Variants in DENND5A observed in about 807,000 individuals in gnomAD.
DENND5A encodes DENN domain containing 5A.
In DENND5A, 64 loss-of-function variants were observed where a neutral mutation model predicts 140.3. The observed-to-expected ratio is 0.46, with a 90% confidence interval of 0.37 to 0.56. The LOEUF is 0.56. DENND5A is among the 20% of genes least tolerant of loss of function. The probability of loss-of-function intolerance (pLI) is 0.00; values close to 1 mark genes in which losing one functional copy is unlikely to be tolerated. For missense variants in DENND5A, 1,292 were observed against 1,593.8 expected (o/e 0.81, Z 3.22); for synonymous variants, 605 against 607.7 (o/e 1.00, Z 0.07).
At chr11:9,232,383 AATAAAGAAAAAAAG>A in intron 1 of DENND5A, among the ~76,000 whole-genome samples, 1 of 152,158 alleles carries the variant, frequency 6.6e-6, no homozygotes. Flanking sequence ...GCATTAAATC[AATAAAGAAAAAAAG>A]ATCACTCAAA....
rs1459464187 is a variant in DENND5A, at chr11:9,178,304, G to A, written c.1734C>T (p.Thr578=). 1.2e-6 allele frequency: 2 copies of A among 1,613,920 alleles called. No individual in the cohort carries two copies. Among genetic ancestry groups the A allele is most frequent in the South Asian group, 1.1e-5 (1 of 91,070 alleles). The change falls in exon 8 of 23, where the codon ACC becomes ACT. Residue 578 remains threonine (T), a synonymous_variant. Coordinates refer to ENST00000328194, the MANE Select transcript of DENND5A (RefSeq NM_015213.4). ...TGTCAATGAAAGATGCAAACATCTG[G>A]GTCTCCAGGAATCTTGAGAGGAAGG... ...YLPFLSRFLE[T]QMFASFIDNK... is the part of the protein sequence containing the mutation.
chr11:9,263,896 CCAAAAA>C (rs1479232113), intron 1 of DENND5A, among the ~76,000 whole-genome samples: 1 of 150,422 alleles, frequency 6.6e-6, no homozygotes, highest in Non-Finnish European at 1.5e-5. Flanking sequence ...TTTCTGGTGC[CCAAAAA>C]CAAAACTGTC....
At chr11:9,174,546 A>T (rs545756283) in intron 8 of DENND5A, among the ~76,000 whole-genome samples, 67 of 150,878 alleles carry the variant, frequency 4.4e-4, no homozygotes, top group African/African-American at 1.4e-3. Context: ...AAAAAAAATT[A>T]AAAATTAGCC....
intron 12 of DENND5A, among the ~76,000 whole-genome samples, chr11:9,155,249 T>A (rs1033124723): frequency 1.3e-5 from 2 of 152,180 alleles, no homozygotes; most frequent in African/African-American, 4.8e-5. Context: ...AATCCATTCA[T>A]CCTTCCATCT....
chr11:9,178,179 G>C lies in DENND5A; in HGVS notation c.1859C>G (p.Thr620Ser). 1 of 1,614,088 alleles carries C rather than the reference G, an allele frequency of 6.2e-7. No homozygotes were observed. Among genetic ancestry groups the C allele is most frequent in the Non-Finnish European group, 8.5e-7 (1 of 1,179,922 alleles). ...CTTCTGGTACATGGATGTACGGAGA[G>C]TAGGTGTCCGAACATTCAACAGCCT... ...KIRLLNVRTP[T>S]LRTSMYQKCT... The change falls in exon 8 of 23, where the codon ACT (threonine) becomes AGT (serine). Residue 620 changes from threonine (T) to serine (S), a missense_variant. Thr to Ser is a moderately conservative substitution (Grantham distance 58, BLOSUM62 1). Coordinates refer to ENST00000328194, the MANE Select transcript of DENND5A (RefSeq NM_015213.4).
intron 1 of DENND5A, among the ~76,000 whole-genome samples, chr11:9,236,101 T>C (rs943872374): frequency 1.3e-5 from 2 of 151,470 alleles, no homozygotes; most frequent in African/African-American, 2.4e-5. Context: ...ATTAGCCCAG[T>C]AGTCCCAGCT....
chr11:9,227,811 T>TAA (rs574097732), intron 1 of DENND5A, among the ~76,000 whole-genome samples: 2 of 146,610 alleles, frequency 1.4e-5, no homozygotes, highest in African/African-American at 5.0e-5. Flanking sequence ...AAATTTAAAT[T>TAA]AAAAAAAAAA....
intron 4 of DENND5A, among the ~76,000 whole-genome samples, chr11:9,202,878 C>T (rs1849568589): frequency 6.6e-6 from 1 of 152,214 alleles, no homozygotes; most frequent in South Asian, 2.1e-4. Flanking sequence ...CAAACTGGAA[C>T]TTCTCTTCCC....
At chr11:9,236,765 A>AAAGG (rs147201517) in intron 1 of DENND5A, among the ~76,000 whole-genome samples, 3 of 151,956 alleles carry the variant, frequency 2.0e-5, no homozygotes, top group African/African-American at 7.2e-5. Flanking sequence ...GTGAGAGCAA[A>AAAGG]AAGGAAGGAA....
At chr11:9,195,872 T>G (rs368262046) in intron 4 of DENND5A, among the ~76,000 whole-genome samples, 7 of 152,308 alleles carry the variant, frequency 4.6e-5, no homozygotes, top group African/African-American at 1.7e-4. Context: ...TAAGAATATC[T>G]TTTAAGTGAC....
chr11:9,237,037 G>A (rs11042232), intron 1 of DENND5A, among the ~76,000 whole-genome samples: 24,805 of 151,926 alleles, frequency 0.16, 2,241 homozygotes, highest in Non-Finnish European at 0.21. Context: ...TGGACAAAAG[G>A]CCTGAACAGA....
chr11:9,196,500 C>T (rs913486002), intron 4 of DENND5A, among the ~76,000 whole-genome samples: 4 of 152,102 alleles, frequency 2.6e-5, no homozygotes, highest in Non-Finnish European at 5.9e-5. Context: ...TGAAGGAGAA[C>T]CAGGGTGCAG....
At chr11:9,178,777 C>T (rs1464303028) in intron 7 of DENND5A, 81 bp downstream of exon 7, 17 of 1,169,890 alleles carry the variant, frequency 1.5e-5, no homozygotes, top group Admixed American at 3.6e-5. Context: ...ATTACTTCTT[C>T]GAGTAATTTT....
intron 4 of DENND5A, among the ~76,000 whole-genome samples, chr11:9,202,088 T>C (rs1483568716): frequency 6.6e-6 from 1 of 152,162 alleles, no homozygotes; most frequent in Non-Finnish European, 1.5e-5. Context: ...TAGGCAAAAA[T>C]TTATAATCTG....
intron 12 of DENND5A, among the ~76,000 whole-genome samples, chr11:9,158,515 T>G (rs1018648808): frequency 3.3e-5 from 5 of 152,014 alleles, no homozygotes; most frequent in African/African-American, 7.2e-5. Context: ...GCTAGTGCAC[T>G]CCAGCCTGGG....
At chr11:9,139,902 G>C in intron 22 of DENND5A, 48 bp from the exon 23 acceptor site, 1 of 1,577,880 alleles carries the variant, frequency 6.3e-7, no homozygotes, top group Non-Finnish European at 8.7e-7. Context: ...CAAAGGAAAA[G>C]GAAGAGAGAG....
intron 1 of DENND5A, among the ~76,000 whole-genome samples, chr11:9,253,703 G>A (rs1347642499): frequency 6.6e-6 from 1 of 152,096 alleles, no homozygotes; most frequent in East Asian, 1.9e-4. Context: ...AGAGGTTCAA[G>A]ACCAGCCTGG....
chr11:9,144,803 G>A (rs1285149761), intron 18 of DENND5A, among the ~76,000 whole-genome samples, 192 bp downstream of exon 18: 2 of 149,948 alleles, frequency 1.3e-5, no homozygotes, highest in African/African-American at 4.9e-5. Context: ...AAAAAAAAAA[G>A]AAAGAAAAAG....
intron 1 of DENND5A, among the ~76,000 whole-genome samples, chr11:9,246,783 C>G (rs951527997): frequency 1.3e-5 from 2 of 152,128 alleles, no homozygotes; most frequent in African/African-American, 4.8e-5. Flanking sequence ...TAACCAACTG[C>G]AAATCAGAAA....
Sources: gnomAD v4.1 joint callset for allele counts (sites outside exome capture counted in the v4.1 genomes callset) on GRCh38, gnomAD v4.1.1 for gene constraint, MANE v1.5 for transcripts, NCBI Gene and HGNC (gene_info 2026-07-23, HGNC 2026-07-21) for gene names.